CACNG7: variants seen among roughly 807,000 people sequenced by gnomAD.
The protein encoded by CACNG7 is voltage-dependent calcium channel gamma-7 subunit.
Under a neutral mutation model 26.3 loss-of-function variants are expected in CACNG7, and 9 were observed. The ratio of observed to expected loss-of-function variants is 0.34; its 90% confidence interval spans 0.21 to 0.60. CACNG7 has a LOEUF of 0.60. CACNG7 is among the 20% of genes least tolerant of loss of function. The probability of loss-of-function intolerance (pLI) is 0.81; values close to 1 mark genes in which losing one functional copy is unlikely to be tolerated. For synonymous variants in CACNG7, 170 were observed against 157.0 expected (o/e 1.08, Z -0.62); for missense variants, 297 against 380.4 (o/e 0.78, Z 1.82).
At chr19:53,933,195 C>T (rs2069084650) in intron 4 of CACNG7, among the ~76,000 whole-genome samples, 1 of 149,292 alleles carries the variant, frequency 6.7e-6, no homozygotes, top group Non-Finnish European at 1.5e-5. Flanking sequence ...GCAACCTCCA[C>T]CTCCTGGGTT....
intron 4 of CACNG7, among the ~76,000 whole-genome samples, chr19:53,938,143 T>C (rs2069116788): frequency 6.6e-6 from 1 of 152,010 alleles, no homozygotes; most frequent in Non-Finnish European, 1.5e-5. Flanking sequence ...GCTCAGGAGT[T>C]CGAGACCAGC....
At chr19:53,924,750 T>C (rs1218380986) in intron 4 of CACNG7, among the ~76,000 whole-genome samples, 1 of 148,254 alleles carries the variant, frequency 6.7e-6, no homozygotes, top group African/African-American at 2.5e-5. Context: ...GTCTGGTCAT[T>C]GGTGGACTTG....
chr19:53,918,692 G>C (rs917811331), intron 4 of CACNG7, among the ~76,000 whole-genome samples: 1 of 152,320 alleles, frequency 6.6e-6, no homozygotes, highest in Non-Finnish European at 1.5e-5. Context: ...AGCGGTGGTG[G>C]TGCTGGTGCT....
At chr19:53,937,021 C>T (rs1385675529) in intron 4 of CACNG7, among the ~76,000 whole-genome samples, 1 of 152,124 alleles carries the variant, frequency 6.6e-6, no homozygotes, top group Non-Finnish European at 1.5e-5. Flanking sequence ...GATCCTCCCT[C>T]CTGAGCCTCC....
Position 53,942,589 on chromosome 19 carries a change from T to G in CACNG7, c.*296T>G. The G allele has an allele frequency of 2.4e-6, 3 of 1,276,074 alleles. No homozygotes were observed. Among genetic ancestry groups the G allele is most frequent in the South Asian group, 4.8e-5 (2 of 41,602 alleles). The allele number at this position is 1,276,074 out of a possible 1,614,324, so 79.0% of individuals were successfully genotyped here. On this transcript the variant is annotated 3_prime_UTR_variant, in exon 6 of 6. Transcript: ENST00000391767. The surrounding 1 kb of genome is among the most constrained non-coding windows in gnomAD (Gnocchi z 5.9). ...GCCCCTCCTCTCCAAGAAAATTAGC[T>G]CCTCCCTCGTTCTCCACCTGCTCTG...
intron 1 of CACNG7, among the ~76,000 whole-genome samples, chr19:53,910,676 G>C (rs976563393): frequency 5.3e-5 from 8 of 152,106 alleles, no homozygotes; most frequent in Admixed American, 3.9e-4. Context: ...TCTTGCAGGG[G>C]TCGGGGGAGA....
intron 4 of CACNG7, among the ~76,000 whole-genome samples, chr19:53,936,309 C>T (rs1599999904): frequency 6.6e-6 from 1 of 152,088 alleles, no homozygotes; most frequent in Non-Finnish European, 1.5e-5. Context: ...ATGTTAACTG[C>T]GATCACTTGG....
intron 4 of CACNG7, among the ~76,000 whole-genome samples, chr19:53,924,629 G>T (rs1599984764): frequency 7.0e-6 from 1 of 141,966 alleles, no homozygotes; most frequent in Non-Finnish European, 1.5e-5. Context: ...TGGTGGACTT[G>T]CCCCAGGCTG....
intron 2 of CACNG7, 125 bp downstream of exon 2, chr19:53,913,152 T>C: frequency 1.2e-6 from 1 of 863,832 alleles, no homozygotes; most frequent in East Asian, 2.7e-5. Context: ...CTCCTGGAAG[T>C]TCAAATTTCT....
At chr19:53,929,982 A>G (rs540297089) in intron 4 of CACNG7, among the ~76,000 whole-genome samples, 5 of 150,938 alleles carry the variant, frequency 3.3e-5, no homozygotes, top group Admixed American at 2.0e-4. Context: ...TTCTAGCATC[A>G]TGGAGTTCCT....
intron 4 of CACNG7, among the ~76,000 whole-genome samples, chr19:53,923,803 TC>T (rs2068991695): frequency 9.4e-6 from 1 of 106,070 alleles, no homozygotes; most frequent in Admixed American, 8.8e-5. Flanking sequence ...CCAGGTCTGG[TC>T]ATTGGTGGAG....
chr19:53,926,006 A>G (rs2069028207), intron 4 of CACNG7, among the ~76,000 whole-genome samples: 1 of 152,166 alleles, frequency 6.6e-6, no homozygotes, highest in Non-Finnish European at 1.5e-5. Flanking sequence ...TGATCATTAA[A>G]CATGATCTGT....
intron 5 of CACNG7, 78 bp from the exon 6 acceptor site, chr19:53,941,958 T>C: frequency 6.8e-7 from 1 of 1,466,452 alleles, no homozygotes; most frequent in Non-Finnish European, 9.1e-7. Context: ...CTCTGAGTCC[T>C]GGAGTGAGAG....
At chr19:53,921,377 G>C (rs1475465565) in intron 4 of CACNG7, among the ~76,000 whole-genome samples, 7 of 144,074 alleles carry the variant, frequency 4.9e-5, no homozygotes, top group African/African-American at 1.9e-4. Context: ...CCCAGGTCTG[G>C]TCATTGGTGG....
intron 4 of CACNG7, among the ~76,000 whole-genome samples, chr19:53,923,069 C>A: frequency 7.9e-6 from 1 of 126,570 alleles, no homozygotes; most frequent in Non-Finnish European, 1.6e-5. Context: ...CAGTTGTCCC[C>A]AGGCCTGGTC....
intron 4 of CACNG7, among the ~76,000 whole-genome samples, chr19:53,925,272 C>T (rs2069017953): frequency 7.6e-6 from 1 of 131,400 alleles, no homozygotes; most frequent in South Asian, 2.6e-4. Flanking sequence ...TGCCCCAGGT[C>T]TGGTCATTGG....
chr19:53,915,171 G>A (rs1165881496), intron 3 of CACNG7, among the ~76,000 whole-genome samples, 194 bp from the exon 4 acceptor site: 2 of 151,978 alleles, frequency 1.3e-5, no homozygotes, highest in African/African-American at 2.4e-5. Flanking sequence ...CTGTGTGAGG[G>A]GGCGTGGCAG....
chr19:53,942,242 T>TC lies in CACNG7; in HGVS notation c.780dup (p.Ala261ArgfsTer95). 1 of 1,613,494 alleles carries TC rather than the reference T, an allele frequency of 6.2e-7. No individual in the cohort carries two copies. The highest frequency in any genetic ancestry group is 8.5e-7 in the Non-Finnish European group (1 of 1,179,792). Reference sequence around the variant, plus strand: ...CCATCCAAATGACGCAGAACTACCCTCCCGCCATCAAGTACCCGGACCACC... The same window carrying TC: ...CCATCCAAATGACGCAGAACTACCCTCCCCGCCATCAAGTACCCGGACCACC... On this transcript the variant is annotated frameshift_variant, in exon 6 of 6. Coordinates refer to ENST00000391767, the MANE Select transcript of CACNG7 (RefSeq NM_031896.5). LOFTEE classifies it high-confidence loss of function. This position sits in a 1 kb window ranked among gnomAD's most constrained non-coding sequence, Gnocchi z 5.9.
At position 53,942,385 on chromosome 19, in the gene CACNG7, T is replaced by G. The variant is rs757481672; in HGVS notation, c.*92T>G. ...CAGCGCCCCCTTCCGTCCTCGGGAC[T>G]CCTCGCTCCCACCCGGAGGAGGCTG... On this transcript the variant is annotated 3_prime_UTR_variant, in exon 6 of 6. Transcript: ENST00000391767. This position sits in a 1 kb window ranked among gnomAD's most constrained non-coding sequence, Gnocchi z 5.9. 499 of 1,524,174 alleles carry G rather than the reference T, an allele frequency of 3.3e-4. No homozygotes were observed. Among genetic ancestry groups the G allele is most frequent in the Non-Finnish European group, 4.3e-4 (484 of 1,137,314 alleles). The allele number at this position is 1,524,174 out of a possible 1,614,324, so 94.4% of individuals were successfully genotyped here.
Sources: allele counts gnomAD v4.1 joint callset (sites outside exome capture counted in the v4.1 genomes callset), GRCh38; gene constraint gnomAD v4.1.1; non-coding constraint Gnocchi (gnomAD v3.1); transcripts MANE v1.5; gene names NCBI Gene and HGNC (gene_info 2026-07-23, HGNC 2026-07-21).